Variants in ACO2 observed in about 807,000 individuals in gnomAD.
ACO2 encodes aconitate hydratase, mitochondrial.
A neutral mutation model predicts 84.5 loss-of-function variants in ACO2; 31 were observed. The ratio of observed to expected loss-of-function variants is 0.37; its 90% CI spans 0.28 to 0.50. ACO2 has a LOEUF of 0.50. ACO2 is among the 20% of genes least tolerant of loss of function. The pLI, the probability that ACO2 is intolerant of heterozygous loss-of-function variation, is 0.97. For synonymous variants in ACO2, 414 were observed against 412.7 expected (o/e 1.00, Z -0.04); for missense variants, 685 against 1,029.3 (o/e 0.67, Z 4.58).
In ACO2 at chr22:41,506,435, A is replaced by G. The variant is rs541577001; in HGVS notation, c.174-1356A>G. On this transcript the variant is annotated intron_variant, in intron 2 of 17. Transcript: ENST00000216254. ...GCCTGGCTAATTTTTTTGTATTTTT[A>G]GTAGAGACAGTGTTTCACCATGTTA... Among the ~76,000 whole-genome samples, 3 of 152,138 alleles carry G rather than the reference A, an allele frequency of 2.0e-5. No individual in the cohort carries two copies. In the South Asian group the frequency reaches 6.2e-4, roughly 32 times the overall value.
intron 1 of ACO2, among the ~76,000 whole-genome samples, chr22:41,498,706 G>A (rs1050122765): frequency 6.6e-6 from 1 of 152,236 alleles, no homozygotes; most frequent in African/African-American, 2.4e-5. Flanking sequence ...GAGCAAGCCA[G>A]GCAGAAGCTG....
chr22:41,473,636 A>G (rs1029339873), intron 1 of ACO2, among the ~76,000 whole-genome samples: 4 of 152,120 alleles, frequency 2.6e-5, no homozygotes, highest in African/African-American at 7.2e-5. Context: ...AAATAAGAAT[A>G]TTGTATTACT....
chr22:41,477,246 C>T (rs1041717836), intron 1 of ACO2, among the ~76,000 whole-genome samples: 3 of 151,654 alleles, frequency 2.0e-5, no homozygotes, highest in Non-Finnish European at 2.9e-5. Flanking sequence ...CTCCGCCTCC[C>T]GGGTTCACGC....
At chr22:41,471,012 G>A (rs1401078619) in intron 1 of ACO2, among the ~76,000 whole-genome samples, 2 of 152,184 alleles carry the variant, frequency 1.3e-5, no homozygotes, top group African/African-American at 2.4e-5. Flanking sequence ...AAAGGATCTT[G>A]GAAAGTATGA....
At chr22:41,476,312 C>G (rs927599708) in intron 1 of ACO2, among the ~76,000 whole-genome samples, 1 of 149,692 alleles carries the variant, frequency 6.7e-6, no homozygotes, top group Non-Finnish European at 1.5e-5. Context: ...TGGGCTAAGA[C>G]AGGAGAATCG....
At chr22:41,501,979 A>G (rs2066356795) in intron 2 of ACO2, among the ~76,000 whole-genome samples, 1 of 152,054 alleles carries the variant, frequency 6.6e-6, no homozygotes, top group Non-Finnish European at 1.5e-5. Flanking sequence ...TCTGTTCTCA[A>G]CAACCCCTGT....
chr22:41,484,543 T>C (rs1004393434), intron 1 of ACO2, among the ~76,000 whole-genome samples: 1 of 152,134 alleles, frequency 6.6e-6, no homozygotes, highest in Non-Finnish European at 1.5e-5. Context: ...AAAATTCTGG[T>C]AATTTTTTTT....
chr22:41,491,984 G>T (rs974374850), intron 1 of ACO2, among the ~76,000 whole-genome samples: 8 of 152,194 alleles, frequency 5.3e-5, no homozygotes, highest in African/African-American at 1.9e-4. Flanking sequence ...GCAGGATCTA[G>T]AAGAAGTGAT....
intron 1 of ACO2, among the ~76,000 whole-genome samples, chr22:41,473,782 C>A (rs2037974372): frequency 6.6e-6 from 1 of 152,078 alleles, no homozygotes; most frequent in South Asian, 2.1e-4. Flanking sequence ...AGCTGTTTAC[C>A]ATTTTTGGAG....
rs571115503 is a variant in ACO2, at chr22:41,517,397, C to T, written c.836-130C>T. 7.9e-6 allele frequency: 6 copies of T among 758,572 alleles called. No homozygotes were observed. In the East Asian group the frequency reaches 1.6e-4, roughly 21 times the overall value. 47.0% of individuals were successfully genotyped at this position (758,572 alleles called of 1,614,324 possible). A position where few individuals can be genotyped will look rare whatever the true frequency, so the allele number is the denominator to read the frequency against. ...CTCAAGGGATGAGTCGGCCCGCTGTCACCACATCTCTCTGAGTGGGAGGAG... is the reference window on the plus strand; with the variant it reads ...CTCAAGGGATGAGTCGGCCCGCTGTTACCACATCTCTCTGAGTGGGAGGAG... On this transcript the variant is annotated intron_variant, in intron 6 of 17. Transcript: ENST00000216254.
At chr22:41,506,076 TG>T (rs200179275) in intron 2 of ACO2, among the ~76,000 whole-genome samples, 4 of 151,650 alleles carry the variant, frequency 2.6e-5, no homozygotes, top group African/African-American at 9.7e-5. Flanking sequence ...TGGGCTTTTT[TG>T]TTTTTTTTTT....
chr22:41,522,606 C>A (rs1324789183), intron 9 of ACO2, among the ~76,000 whole-genome samples: 1 of 152,160 alleles, frequency 6.6e-6, no homozygotes, highest in Admixed American at 6.5e-5. Context: ...AGCATCATGG[C>A]CAATGGCTAC....
At position 41,499,837 on chromosome 22, in the gene ACO2, A is replaced by G. The variant is rs1181675928; in HGVS notation, c.148A>G (p.Lys50Glu). The change falls in exon 2 of 18, where the codon AAG becomes GAG. Residue 50 changes from lysine to glutamate, a missense_variant. By Grantham distance (56) the Lys-to-Glu change is moderately conservative (BLOSUM62 1). Transcript: ENST00000216254. ...GTACATCCATTATGACCTGCTAGAGAAGAACATTAACATTGTTCGCAAACG... is the reference window on the plus strand; with the variant it reads ...GTACATCCATTATGACCTGCTAGAGGAGAACATTAACATTGTTCGCAAACG... Reference protein sequence around the residue: ...NEYIHYDLLEKNINIVRKRLN... With the variant: ...NEYIHYDLLEENINIVRKRLN... 2 of 1,614,060 alleles carry G rather than the reference A, an allele frequency of 1.2e-6. No homozygotes were observed. Among genetic ancestry groups the G allele is most frequent in the Non-Finnish European group, 1.7e-6 (2 of 1,180,036 alleles).
At chr22:41,485,896 G>A (rs779789539) in intron 1 of ACO2, among the ~76,000 whole-genome samples, 1 of 151,970 alleles carries the variant, frequency 6.6e-6, no homozygotes, top group Non-Finnish European at 1.5e-5. Context: ...CTCCTGCTTT[G>A]TCTTTTACAC....
At chr22:41,508,451 G>A (rs1326908025) in intron 3 of ACO2, among the ~76,000 whole-genome samples, 1 of 152,156 alleles carries the variant, frequency 6.6e-6, no homozygotes, top group Non-Finnish European at 1.5e-5. Flanking sequence ...ACCCTCCAAG[G>A]ACCCTCTCCG....
At chr22:41,508,200 T>C in intron 3 of ACO2, 151 bp downstream of exon 3, 1 of 1,079,364 alleles carries the variant, frequency 9.3e-7, no homozygotes, top group Non-Finnish European at 1.3e-6. Flanking sequence ...CTTGTTTCTC[T>C]TTCTAAAAAT....
intron 1 of ACO2, among the ~76,000 whole-genome samples, chr22:41,483,762 C>G (rs757129622): frequency 1.3e-5 from 2 of 152,002 alleles, no homozygotes; most frequent in Admixed American, 6.6e-5. Context: ...AATCCCAGCA[C>G]TTTAGGAGGC....
intron 6 of ACO2, chr22:41,517,289 C>T (rs2146126824): frequency 2.0e-6 from 1 of 495,862 alleles, no homozygotes; most frequent in Non-Finnish European, 3.7e-6. Context: ...CCTCTTCATT[C>T]TACCCAGCAG....
At chr22:41,513,932 A>G (rs2066456651) in intron 4 of ACO2, among the ~76,000 whole-genome samples, 1 of 151,404 alleles carries the variant, frequency 6.6e-6, no homozygotes, top group South Asian at 2.1e-4. Flanking sequence ...GTGGACCACA[A>G]GTGTCTACAC....
Sources: allele counts gnomAD v4.1 joint callset (sites outside exome capture counted in the v4.1 genomes callset), GRCh38; gene constraint gnomAD v4.1.1; transcripts MANE v1.5; gene names NCBI Gene and HGNC (gene_info 2026-07-23, HGNC 2026-07-21).